Variants in DENND2B observed in about 807,000 individuals in gnomAD.
DENND2B encodes the protein DENN domain containing 2B.
DENND2B carries 32 observed loss-of-function variants against 116.0 expected under a neutral mutation model. That is an observed-to-expected ratio of 0.28 (90% CI 0.21 to 0.37). The LOEUF is 0.37. DENND2B is among the 10% of genes least tolerant of loss of function. The pLI is 1.00. For synonymous variants in DENND2B, 588 were observed against 583.9 expected (o/e 1.01, Z -0.10); for missense variants, 1,276 against 1,477.7 (o/e 0.86, Z 2.24).
intron 1 of DENND2B, among the ~76,000 whole-genome samples, chr11:8,892,713 T>C (rs2064049737): frequency 6.6e-6 from 1 of 152,228 alleles, no homozygotes; most frequent in African/African-American, 2.4e-5. Context: ...GTTGAATCCC[T>C]GAATAGACCA....
intron 1 of DENND2B, among the ~76,000 whole-genome samples, chr11:8,902,358 T>A (rs2064181543): frequency 6.6e-6 from 1 of 151,496 alleles, no homozygotes; most frequent in African/African-American, 2.4e-5. Context: ...GGTGTTGAAG[T>A]CCCCAACTAC....
chr11:8,775,991 T>C (rs2057569453), intron 1 of DENND2B, among the ~76,000 whole-genome samples: 1 of 152,064 alleles, frequency 6.6e-6, no homozygotes, highest in Admixed American at 6.6e-5. Context: ...TAACCGCCAA[T>C]CACACCAGAC....
At chr11:8,901,698 C>G (rs566393523) in intron 1 of DENND2B, among the ~76,000 whole-genome samples, 1 of 152,134 alleles carries the variant, frequency 6.6e-6, no homozygotes, top group Admixed American at 6.5e-5. Context: ...TCCTAGTTTC[C>G]CTTGTGATTT....
At chr11:8,801,332 T>C (rs1272458915) in intron 1 of DENND2B, among the ~76,000 whole-genome samples, 2 of 151,970 alleles carry the variant, frequency 1.3e-5, no homozygotes, top group Non-Finnish European at 2.9e-5. Context: ...AAGAAGGGGA[T>C]AGGGCCTTGC....
At chr11:8,695,279 G>C (rs1258357845) in intron 19 of DENND2B, among the ~76,000 whole-genome samples, 184 bp downstream of exon 19, 1 of 152,122 alleles carries the variant, frequency 6.6e-6, no homozygotes, top group African/African-American at 2.4e-5. Context: ...GACCACTACT[G>C]TGCAAAATGC....
chr11:8,738,961 T>C (rs910243458), intron 2 of DENND2B, among the ~76,000 whole-genome samples: 9 of 152,188 alleles, frequency 5.9e-5, no homozygotes, highest in Non-Finnish European at 1.0e-4. Context: ...TGTGATGGCA[T>C]GTATAACACT....
chr11:8,732,006 C>T (rs550917965), intron 2 of DENND2B, among the ~76,000 whole-genome samples: 1 of 152,342 alleles, frequency 6.6e-6, no homozygotes, highest in East Asian at 1.9e-4. Context: ...TAACATCTCA[C>T]TTCTTCATGT....
chr11:8,877,772 C>A (rs951527168), intron 2 of DENND2B, among the ~76,000 whole-genome samples: 3 of 152,156 alleles, frequency 2.0e-5, no homozygotes, highest in South Asian at 2.1e-4. Flanking sequence ...AGTTCCCCCC[C>A]AAAAAAATCA....
At chr11:8,733,709 T>C (rs1240775646) in intron 2 of DENND2B, among the ~76,000 whole-genome samples, 1 of 152,196 alleles carries the variant, frequency 6.6e-6, no homozygotes, top group African/African-American at 2.4e-5. Context: ...CATGGCTCCT[T>C]GGGATAGGAA....
At chr11:8,699,980 C>A (rs2041223091) in intron 14 of DENND2B, 1 of 456,176 alleles carries the variant, frequency 2.2e-6, no homozygotes, top group African/African-American at 2.0e-5. Context: ...GATCGTCCCT[C>A]CCAGAATGGT....
intron 4 of DENND2B, chr11:8,718,610 C>G (rs1396924244): frequency 7.5e-7 from 1 of 1,340,950 alleles, no homozygotes; most frequent in Non-Finnish European, 9.5e-7. Context: ...ATCAACACTC[C>G]CCTTTTGGAA....
At chr11:8,866,574 A>G (rs1047524437) in intron 2 of DENND2B, among the ~76,000 whole-genome samples, 10 of 152,322 alleles carry the variant, frequency 6.6e-5, no homozygotes, top group African/African-American at 2.4e-4. Context: ...AGAAAATAAA[A>G]TGACTTTCAG....
In DENND2B at chr11:8,876,746, C is replaced by T. The variant is rs567137764; in HGVS notation, c.-156+4264G>A. ...TACAAAAATTAGCCAAGCATGGTAG[C>T]GAGCACCTGTAATCCCAGCTACTTG... On this transcript the variant is annotated intron_variant, in intron 2 of 22. Transcript: ENST00000534127. Among the ~76,000 whole-genome samples, 72 of 152,040 alleles carry T rather than the reference C, an allele frequency of 4.7e-4. 1 individual carries two copies. Among genetic ancestry groups the T allele is most frequent in the African/African-American group, 1.6e-3 (67 of 41,506 alleles).
At chr11:8,699,829 C>T (rs533769529) in intron 14 of DENND2B, 62 of 456,806 alleles carry the variant, frequency 1.4e-4, no homozygotes, top group Non-Finnish European at 2.4e-4. Context: ...AAAACATCAG[C>T]AACGGATCAT....
In DENND2B at chr11:8,865,612, A is replaced by G. The variant is rs557395513; in HGVS notation, c.-250+5342T>C. ...AAGACAATTTGTTCACTCTGTGAAC[A>G]TGTGTGCATTGAAGAGGGACAGGAA... is the stretch of plus-strand genomic sequence containing the variant. On this transcript the variant is annotated intron_variant, in intron 2 of 6. Transcript: ENST00000524757. 5.3e-5 allele frequency among the ~76,000 whole-genome samples: 8 copies of G among 151,920 alleles called. No homozygotes were observed. In the South Asian group the frequency reaches 1.7e-3, roughly 32 times the overall value.
At chr11:8,850,007 T>G (rs879341528) in intron 3 of DENND2B, among the ~76,000 whole-genome samples, 2,151 of 146,662 alleles carry the variant, frequency 0.015, 18 homozygotes, top group African/African-American at 0.021. Context: ...TGGTGGTACA[T>G]GCCCATAATC....
chr11:8,856,637 A>G (rs926650735), intron 3 of DENND2B, among the ~76,000 whole-genome samples: 1 of 151,850 alleles, frequency 6.6e-6, no homozygotes, highest in Non-Finnish European at 1.5e-5. Context: ...TGACTCCCCA[A>G]CCACTATATT....
At chr11:8,883,985 A>G (rs1405477134) in intron 1 of DENND2B, among the ~76,000 whole-genome samples, 2 of 152,172 alleles carry the variant, frequency 1.3e-5, no homozygotes, top group African/African-American at 2.4e-5. Flanking sequence ...ACTGCCCTCA[A>G]TGGTTCTATA....
Position 8,714,671 on chromosome 11 carries a change from CTTGGCA to C in DENND2B, c.1875_1880del (p.Asn625_Ala626del). On this transcript the variant is annotated inframe_deletion, in exon 7 of 20. Transcript: ENST00000313726. ...ACTTTTTTAATCTCTTCTTTCCTCT[CTTGGCA>C]TTGTAGATGGAGTTAATTCTTTGGA... The C allele has an allele frequency of 6.2e-7, 1 of 1,614,214 alleles. No homozygotes were observed. The highest frequency in any genetic ancestry group is 8.5e-7 in the Non-Finnish European group (1 of 1,180,042).
Sources: allele counts gnomAD v4.1 joint callset (sites outside exome capture counted in the v4.1 genomes callset), GRCh38; gene constraint gnomAD v4.1.1; transcripts MANE v1.5; gene names NCBI Gene and HGNC (gene_info 2026-07-23, HGNC 2026-07-21).